Variants in HMGCLL1 observed in about 807,000 individuals in gnomAD.
The protein encoded by HMGCLL1 is 3-hydroxymethyl-3-methylglutaryl-CoA lyase, cytoplasmic.
HMGCLL1 carries 36 observed loss-of-function variants against 39.1 expected under a neutral mutation model. That is an observed-to-expected ratio of 0.92 (90% CI 0.71 to 1.22). The LOEUF (loss-of-function observed/expected upper bound fraction) is 1.22. Among genes scored for constraint, HMGCLL1 ranks in the 50% most tolerant of loss-of-function variants. The pLI, the probability that HMGCLL1 is intolerant of heterozygous loss-of-function variation, is 0.00. For synonymous variants in HMGCLL1, 149 were observed against 144.0 expected (o/e 1.03, Z -0.25); for missense variants, 451 against 416.5 (o/e 1.08, Z -0.72).
At chr6:55,597,484 G>A in the HMGCLL1 span, among the ~76,000 whole-genome samples, 2 of 151,122 alleles carry the variant, frequency 1.3e-5, no homozygotes, top group Non-Finnish European at 2.9e-5. Flanking sequence ...GTTGATAAGA[G>A]GGAATTGAAG....
At chr6:55,659,204 T>C in the HMGCLL1 span, among the ~76,000 whole-genome samples, 1 of 151,826 alleles carries the variant, frequency 6.6e-6, no homozygotes, top group African/African-American at 2.4e-5. Context: ...ATTGAGTGGA[T>C]AGAGATGTCA....
the HMGCLL1 span, among the ~76,000 whole-genome samples, chr6:55,611,707 C>A: frequency 9.8e-5 from 15 of 152,288 alleles, no homozygotes; most frequent in African/African-American, 3.4e-4. Context: ...ACAAAAACCA[C>A]ATGCTTATCT....
the HMGCLL1 span, among the ~76,000 whole-genome samples, chr6:55,614,514 A>C: frequency 6.6e-6 from 1 of 152,160 alleles, no homozygotes; most frequent in Admixed American, 6.6e-5. Flanking sequence ...ATAGCGGCCC[A>C]AGCTAAGAAC....
At chr6:55,545,082 A>G (rs1317383348) in intron 1 of HMGCLL1, among the ~76,000 whole-genome samples, 1 of 152,118 alleles carries the variant, frequency 6.6e-6, no homozygotes. Flanking sequence ...TGAAACAAAA[A>G]CAAAACTAGG....
At chr6:55,497,368 T>C (rs1280407140) in intron 6 of HMGCLL1, among the ~76,000 whole-genome samples, 1 of 152,136 alleles carries the variant, frequency 6.6e-6, no homozygotes, top group African/African-American at 2.4e-5. Context: ...TGTTTGGTTG[T>C]AAAAGTGAAA....
At chr6:55,438,364 G>A (rs576236447) in intron 8 of HMGCLL1, among the ~76,000 whole-genome samples, 2 of 152,198 alleles carry the variant, frequency 1.3e-5, no homozygotes, top group South Asian at 4.1e-4. Flanking sequence ...TATAAAGTAT[G>A]AATAAGCTGT....
the HMGCLL1 span, among the ~76,000 whole-genome samples, chr6:55,656,550 T>C: frequency 6.6e-6 from 1 of 151,862 alleles, no homozygotes; most frequent in South Asian, 2.1e-4. Context: ...TTTTCATCCA[T>C]CTGCCAGCCA....
At chr6:55,573,710 T>C (rs1269215769) in intron 1 of HMGCLL1, among the ~76,000 whole-genome samples, 1 of 152,138 alleles carries the variant, frequency 6.6e-6, no homozygotes, top group East Asian at 1.9e-4. Flanking sequence ...AAAGTTCTAA[T>C]ATTCTTCAAA....
At chr6:55,613,406 A>G in the HMGCLL1 span, among the ~76,000 whole-genome samples, 4 of 152,298 alleles carry the variant, frequency 2.6e-5, no homozygotes, top group South Asian at 6.2e-4. Context: ...AGGATCTAGA[A>G]CGAGAAATAC....
At chr6:55,510,367 A>G (rs1020382934) in intron 5 of HMGCLL1, among the ~76,000 whole-genome samples, 1 of 151,938 alleles carries the variant, frequency 6.6e-6, no homozygotes, top group African/African-American at 2.4e-5. Context: ...CACTATTCAC[A>G]ATAGCAAAGA....
the HMGCLL1 span, among the ~76,000 whole-genome samples, chr6:55,654,969 C>T: frequency 6.6e-6 from 1 of 151,866 alleles, no homozygotes; most frequent in Admixed American, 6.6e-5. Flanking sequence ...ATTTGAATCC[C>T]ATGTTTCAAA....
chr6:55,635,610 T>C, the HMGCLL1 span, among the ~76,000 whole-genome samples: 1 of 152,136 alleles, frequency 6.6e-6, no homozygotes, highest in Non-Finnish European at 1.5e-5. Flanking sequence ...TTCTTACTGA[T>C]AGTTGATTTT....
At chr6:55,643,149 A>G in the HMGCLL1 span, among the ~76,000 whole-genome samples, 20 of 152,214 alleles carry the variant, frequency 1.3e-4, no homozygotes, top group Middle Eastern at 3.4e-3. Context: ...TTTGTTAGGT[A>G]TATACCCAGT....
intron 3 of HMGCLL1, among the ~76,000 whole-genome samples, chr6:55,524,562 T>G (rs865807759): frequency 4.0e-5 from 6 of 151,134 alleles, no homozygotes; most frequent in African/African-American, 1.5e-4. Context: ...TTTGCAGATC[T>G]CACCCAGAGA....
At chr6:55,664,268 G>T in the HMGCLL1 span, among the ~76,000 whole-genome samples, 1 of 151,722 alleles carries the variant, frequency 6.6e-6, no homozygotes, top group Non-Finnish European at 1.5e-5. Flanking sequence ...CATAGTGTCA[G>T]TGTTCTGTGT....
At chr6:55,512,987 C>A (rs4144577) in intron 5 of HMGCLL1, 101,877 of 151,372 alleles carry the variant, frequency 0.67, 34,288 homozygotes, top group Non-Finnish European at 0.7. Flanking sequence ...GTTTCACAAC[C>A]CATAGGCCTG....
At chr6:55,469,755 G>T (rs1436442813) in intron 7 of HMGCLL1, among the ~76,000 whole-genome samples, 1 of 151,776 alleles carries the variant, frequency 6.6e-6, no homozygotes, top group Non-Finnish European at 1.5e-5. Context: ...TATGTCATGG[G>T]GTTGATGCAG....
chr6:55,656,742 G>A, the HMGCLL1 span, among the ~76,000 whole-genome samples: 556 of 152,084 alleles, frequency 3.7e-3, 5 homozygotes, highest in Middle Eastern at 0.01. Context: ...AAAGCAAGCA[G>A]TTTATCCATT....
chr6:55,485,368 T>C (rs1765969738), intron 7 of HMGCLL1, among the ~76,000 whole-genome samples: 1 of 152,102 alleles, frequency 6.6e-6, no homozygotes, highest in Non-Finnish European at 1.5e-5. Context: ...AATGAGCTAC[T>C]TGAAGACATG....
Sources: allele counts gnomAD v4.1 joint callset (sites outside exome capture counted in the v4.1 genomes callset), GRCh38; gene constraint gnomAD v4.1.1; transcripts MANE v1.5; gene names NCBI Gene and HGNC (gene_info 2026-07-23, HGNC 2026-07-21).